Variants in DAB1 observed in about 807,000 individuals in gnomAD.
The protein encoded by DAB1 is disabled homolog 1.
A neutral mutation model predicts 64.6 loss-of-function variants in DAB1; 15 were observed. The observed-to-expected ratio is 0.23, with a 90% CI of 0.16 to 0.36. The LOEUF (loss-of-function observed/expected upper bound fraction) is 0.36, where lower values mean the gene tolerates loss of function less well. Ranked by LOEUF, DAB1 falls within the 10% of genes least tolerant of loss-of-function variation. DAB1 has a pLI of 1.00. For missense variants in DAB1, 596 were observed against 706.7 expected, an observed-to-expected ratio of 0.84 and a Z score of 1.78; for synonymous variants, 235 against 251.9, an observed-to-expected ratio of 0.93 and a Z score of 0.64.
chr1:57,832,488 A>G (rs550144580), intron 1 of DAB1, among the ~76,000 whole-genome samples: 36 of 152,350 alleles, frequency 2.4e-4, no homozygotes, highest in African/African-American at 8.4e-4. Context: ...TGAACAGCCT[A>G]TGAGAATGGT....
intron 4 of DAB1, among the ~76,000 whole-genome samples, chr1:57,102,972 G>T (rs747632387): frequency 3.9e-5 from 6 of 152,044 alleles, no homozygotes; most frequent in Non-Finnish European, 7.3e-5. Flanking sequence ...CCCCAAAATG[G>T]CAGGGCCCAA....
intron 6 of DAB1, among the ~76,000 whole-genome samples, chr1:57,767,349 C>A (rs1391468992): frequency 2.0e-5 from 3 of 152,076 alleles, no homozygotes; most frequent in African/African-American, 7.2e-5. Context: ...CAGGAAATTC[C>A]AAGAGTTTTA....
At chr1:57,881,978 C>T (rs1422689913) in intron 1 of DAB1, among the ~76,000 whole-genome samples, 1 of 152,164 alleles carries the variant, frequency 6.6e-6, no homozygotes, top group African/African-American at 2.4e-5. Context: ...CTTGATTAAT[C>T]CCTTCCCCAC....
chr1:58,195,193 G>A (rs570414490), intron 4 of DAB1, among the ~76,000 whole-genome samples: 6 of 152,178 alleles, frequency 3.9e-5, no homozygotes, highest in African/African-American at 9.6e-5. Context: ...TTATCTCACC[G>A]CCTAGCATAT....
chr1:57,172,597 C>T (rs1321062883), intron 2 of DAB1, among the ~76,000 whole-genome samples: 2 of 152,148 alleles, frequency 1.3e-5, no homozygotes, highest in Non-Finnish European at 2.9e-5. Flanking sequence ...GAGCCTTGAG[C>T]TTCTTCTACA....
chr1:58,362,082 C>T (rs534203677), intron 3 of DAB1, among the ~76,000 whole-genome samples: 42 of 152,090 alleles, frequency 2.8e-4, no homozygotes, highest in Non-Finnish European at 5.7e-4. Flanking sequence ...CCAGGCTGGT[C>T]GTGAACTCCT....
intron 4 of DAB1, among the ~76,000 whole-genome samples, chr1:57,092,582 GTGAAACTGTGAGTCAA>G (rs1653788396): frequency 6.6e-6 from 1 of 150,470 alleles, no homozygotes; most frequent in Non-Finnish European, 1.5e-5. Context: ...CCCCAATCAT[GTGAAACTGTGAGTCAA>G]TGAAACCTCC....
chr1:57,535,826 C>G (rs527251283), intron 7 of DAB1, among the ~76,000 whole-genome samples: 1 of 152,288 alleles, frequency 6.6e-6, no homozygotes, highest in South Asian at 2.1e-4. Flanking sequence ...TTTTTTCAAG[C>G]TTTTCAGGGT....
chr1:57,732,771 T>C (rs1647496467), intron 6 of DAB1, among the ~76,000 whole-genome samples: 1 of 152,068 alleles, frequency 6.6e-6, no homozygotes, highest in African/African-American at 2.4e-5. Context: ...TCATGGTGCG[T>C]CGAACAGGAG....
At chr1:57,162,489 G>T (rs1355303724) in intron 2 of DAB1, among the ~76,000 whole-genome samples, 3 of 152,226 alleles carry the variant, frequency 2.0e-5, no homozygotes, top group African/African-American at 7.2e-5. Context: ...TTGAAGGCTT[G>T]CTCTTGGACC....
At chr1:58,542,241 T>C in intron 1 of DAB1, among the ~76,000 whole-genome samples, 1 of 152,236 alleles carries the variant, frequency 6.6e-6, no homozygotes, top group East Asian at 1.9e-4. Context: ...ATTAACAAGA[T>C]ACTTTGTTTT....
intron 3 of DAB1, among the ~76,000 whole-genome samples, chr1:58,445,075 T>C (rs1345645848): frequency 6.6e-6 from 1 of 152,182 alleles, no homozygotes; most frequent in Non-Finnish European, 1.5e-5. Context: ...GGCTAAGGGA[T>C]TGCCCACGAT....
chr1:58,001,061 T>A (rs1646499932), intron 5 of DAB1, among the ~76,000 whole-genome samples: 1 of 151,998 alleles, frequency 6.6e-6, no homozygotes, highest in African/African-American at 2.4e-5. Context: ...AAATCATGCT[T>A]TTTTCCCCTC....
intron 2 of DAB1, among the ~76,000 whole-genome samples, chr1:57,287,518 G>T (rs1050598105): frequency 1.3e-5 from 2 of 152,168 alleles, no homozygotes; most frequent in Non-Finnish European, 2.9e-5. Flanking sequence ...AGTACTTAAA[G>T]ATTGATGAGA....
At chr1:58,342,869 C>A in intron 4 of DAB1, among the ~76,000 whole-genome samples, 1 of 152,130 alleles carries the variant, frequency 6.6e-6, no homozygotes, top group East Asian at 1.9e-4. Context: ...CTTAAATGAT[C>A]TTTTGGAGTC....
intron 5 of DAB1, among the ~76,000 whole-genome samples, chr1:58,091,348 T>C (rs1650644848): frequency 6.6e-6 from 1 of 152,220 alleles, no homozygotes; most frequent in Non-Finnish European, 1.5e-5. Flanking sequence ...TGTCTAACCA[T>C]GGCACAGCCC....
chr1:58,001,542 G>C (rs764952612), intron 5 of DAB1, among the ~76,000 whole-genome samples: 1 of 152,122 alleles, frequency 6.6e-6, no homozygotes, highest in Non-Finnish European at 1.5e-5. Flanking sequence ...TTACAGGCAC[G>C]AGCCACCACA....
At chr1:58,023,676 T>G (rs1308788878) in intron 5 of DAB1, among the ~76,000 whole-genome samples, 1 of 152,198 alleles carries the variant, frequency 6.6e-6, no homozygotes, top group African/African-American at 2.4e-5. Flanking sequence ...GTAAGTCTCT[T>G]CCTACAAGTT....
intron 5 of DAB1, among the ~76,000 whole-genome samples, chr1:58,132,182 C>T (rs1038476126): frequency 1.3e-5 from 2 of 152,156 alleles, no homozygotes; most frequent in African/African-American, 4.8e-5. Context: ...TTAAGCCCGT[C>T]GGAAAAGCGC....
Sources: gnomAD v4.1 joint callset for allele counts (sites outside exome capture counted in the v4.1 genomes callset) on GRCh38, gnomAD v4.1.1 for gene constraint, MANE v1.5 for transcripts, NCBI Gene and HGNC (gene_info 2026-07-23, HGNC 2026-07-21) for gene names.